CCDC50: variants seen among roughly 807,000 people sequenced by gnomAD.
CCDC50 encodes coiled-coil domain containing 50, also known as coiled-coil domain-containing protein 50.
Under a neutral mutation model 70.2 loss-of-function variants are expected in CCDC50, and 54 were observed. That is an observed-to-expected ratio of 0.77 (90% CI 0.62 to 0.96). CCDC50 has a LOEUF of 0.96. CCDC50 is among the 50% of genes least tolerant of loss of function. The probability of loss-of-function intolerance (pLI) is 0.00; values close to 1 mark genes in which losing one functional copy is unlikely to be tolerated. For synonymous variants in CCDC50, 216 were observed against 198.8 expected (o/e 1.09, Z -0.73); for missense variants, 558 against 578.7 (o/e 0.96, Z 0.37).
chr3:191,344,256 A>G (rs1711830918), intron 1 of CCDC50, among the ~76,000 whole-genome samples: 3 of 152,198 alleles, frequency 2.0e-5, no homozygotes, highest in South Asian at 4.1e-4. Context: ...TAGTTCTGTC[A>G]TACCGTCACG....
At chr3:191,343,490 G>A (rs967825371) in intron 1 of CCDC50, among the ~76,000 whole-genome samples, 14 of 152,106 alleles carry the variant, frequency 9.2e-5, no homozygotes, top group African/African-American at 2.4e-4. Context: ...GTTTAATTAC[G>A]AAATTTTATA....
chr3:191,339,867 T>C (rs1711661740), intron 1 of CCDC50, among the ~76,000 whole-genome samples: 1 of 152,212 alleles, frequency 6.6e-6, no homozygotes, highest in Non-Finnish European at 1.5e-5. Context: ...GGTTAAAATG[T>C]ACTTGTGGTG....
intron 4 of CCDC50, among the ~76,000 whole-genome samples, chr3:191,369,687 T>C (rs1712827946): frequency 6.6e-6 from 1 of 152,170 alleles, no homozygotes; most frequent in South Asian, 2.1e-4. Context: ...ATGTCTTCCA[T>C]GTTGTGGTGG....
At chr3:191,389,727 G>T in intron 11 of CCDC50, 125 bp downstream of exon 11, 1 of 724,430 alleles carries the variant, frequency 1.4e-6, no homozygotes. Context: ...TCAGCACATT[G>T]TTATAGAACT....
At chr3:191,373,011 T>C (rs1186806686) in intron 5 of CCDC50, among the ~76,000 whole-genome samples, 9 of 152,088 alleles carry the variant, frequency 5.9e-5, no homozygotes, top group African/African-American at 1.9e-4. Flanking sequence ...ATGTAATATT[T>C]TGTGTATCTT....
intron 4 of CCDC50, among the ~76,000 whole-genome samples, chr3:191,363,845 A>T (rs1324618014): frequency 6.6e-6 from 1 of 152,222 alleles, no homozygotes; most frequent in Non-Finnish European, 1.5e-5. Flanking sequence ...GTGCCAAGGT[A>T]GAAAAATGTG....
rs1195895304 is a variant in CCDC50, at chr3:191,342,843, CT to C, written c.49+13122del. On this transcript the variant is annotated intron_variant, in intron 1 of 11. Coordinates refer to ENST00000392455, the MANE Select transcript of CCDC50 (RefSeq NM_178335.3). Reference sequence around the variant, plus strand: ...GTTTTGAAAAAATTGTCTACTACTGCTTATATAATGGTATTTACCCTGTTGA... The same window carrying C: ...GTTTTGAAAAAATTGTCTACTACTGCTATATAATGGTATTTACCCTGTTGA... Among the ~76,000 whole-genome samples, 3 of 152,296 alleles carry C rather than the reference CT, an allele frequency of 2.0e-5. No homozygotes were observed. In the South Asian group the frequency reaches 6.2e-4, roughly 32 times the overall value.
At chr3:191,332,598 A>G (rs1311424522) in intron 1 of CCDC50, among the ~76,000 whole-genome samples, 1 of 152,260 alleles carries the variant, frequency 6.6e-6, no homozygotes, top group Non-Finnish European at 1.5e-5. Context: ...TGCAAAATGC[A>G]ATTTGCGAAT....
At chr3:191,337,129 T>C (rs1361332869) in intron 1 of CCDC50, among the ~76,000 whole-genome samples, 2 of 152,086 alleles carry the variant, frequency 1.3e-5, no homozygotes, top group African/African-American at 2.4e-5. Context: ...GACCACGTGA[T>C]TGGCAAAGCT....
At position 191,393,851 on chromosome 3, in the gene CCDC50, T is replaced by G. The variant is rs926675991; in HGVS notation, c.*2091T>G. 2.6e-5 allele frequency: 4 copies of G among 152,178 alleles called. No individual in the cohort carries two copies. Among genetic ancestry groups the G allele is most frequent in the African/African-American group, 9.6e-5 (4 of 41,452 alleles). The allele number at this position is 152,178 out of a possible 1,614,324, so 9.4% of individuals were successfully genotyped here. ...TGATTTCGCTTCGTGTCCTTCAAAG[T>G]TTTTTTATTGTAATTTTAAAGGAAA... is the stretch of plus-strand genomic sequence containing the variant. On this transcript the variant is annotated 3_prime_UTR_variant, in exon 12 of 12. Transcript: ENST00000392455.
chr3:191,340,662 G>A (rs1186706251), intron 1 of CCDC50, among the ~76,000 whole-genome samples: 1 of 152,084 alleles, frequency 6.6e-6, no homozygotes. Flanking sequence ...AGTTTGGAGT[G>A]GCGGAGCTTA....
chr3:191,370,039 A>T lies in CCDC50; in HGVS notation c.448+3A>T. The T allele has an allele frequency of 1.9e-6, 3 of 1,548,444 alleles. No homozygotes were observed. The highest frequency in any genetic ancestry group is 2.7e-6 in the Non-Finnish European group (3 of 1,120,912). ...TAGTTACTATTATGAAGATGGAGGTAACAATTCCTGCATCATGATCTATTC... is the reference window on the plus strand; with the variant it reads ...TAGTTACTATTATGAAGATGGAGGTTACAATTCCTGCATCATGATCTATTC... On this transcript the variant is annotated splice_donor_region_variant and intron_variant, in intron 5 of 11. Coordinates refer to ENST00000392455, the MANE Select transcript of CCDC50 (RefSeq NM_178335.3).
chr3:191,354,389 A>G (rs1417115447), intron 1 of CCDC50, among the ~76,000 whole-genome samples: 1 of 152,082 alleles, frequency 6.6e-6, no homozygotes, highest in Non-Finnish European at 1.5e-5. Flanking sequence ...TCTATCTACA[A>G]ACTATATTTT....
intron 10 of CCDC50, among the ~76,000 whole-genome samples, chr3:191,387,310 T>G (rs1277612464): frequency 1.3e-5 from 2 of 152,130 alleles, no homozygotes; most frequent in Admixed American, 1.3e-4. Context: ...TTATGAAAGG[T>G]GTTTGGCTGT....
At chr3:191,361,865 T>C (rs981164169) in intron 4 of CCDC50, among the ~76,000 whole-genome samples, 57 of 152,122 alleles carry the variant, frequency 3.7e-4, no homozygotes, top group African/African-American at 1.3e-3. Context: ...GACTTTTGAG[T>C]GGGGCCTGCA....
At chr3:191,335,612 T>C (rs2108629796) in intron 1 of CCDC50, among the ~76,000 whole-genome samples, 1 of 152,226 alleles carries the variant, frequency 6.6e-6, no homozygotes, top group Admixed American at 6.5e-5. Flanking sequence ...ATCATTTCGT[T>C]AAAAAAGCAT....
chr3:191,329,625 C>T lies in CCDC50; in HGVS notation c.-50C>T, dbSNP rs765456121. 5.7e-6 allele frequency: 9 copies of T among 1,578,984 alleles called. No individual in the cohort carries two copies. Among genetic ancestry groups the T allele is most frequent in the Non-Finnish European group, 7.7e-6 (9 of 1,162,882 alleles). On this transcript the variant is annotated 5_prime_UTR_variant, in exon 1 of 12. Coordinates refer to ENST00000392455, the MANE Select transcript of CCDC50 (RefSeq NM_178335.3). ...CGCTCGGGGCCCCGCTCGGCGCCGG[C>T]GGTGACCGGGAAGCCCGCGTTAAAG...
In CCDC50 at chr3:191,370,462, G is replaced by GT. The variant is rs200720129; in HGVS notation, c.448+427dup. On this transcript the variant is annotated intron_variant, in intron 5 of 11. Transcript: ENST00000392455. ...TCCCACCTGTGAGTGAGAACATGCG[G>GT]TGGTTTTTTTTGTTTGTTTTTTTGT... Among the ~76,000 whole-genome samples, 1,254 of 144,406 alleles carry GT rather than the reference G, an allele frequency of 8.7e-3. 17 individuals carry two copies. The highest frequency in any genetic ancestry group is 0.031 in the African/African-American group (1,196 of 38,872). 94.7% of individuals were successfully genotyped at this position (144,406 alleles called of 152,430 possible). A position where few individuals can be genotyped will look rare whatever the true frequency, so the allele number is the denominator to read the frequency against.
At chr3:191,365,068 G>A (rs1712634186) in intron 4 of CCDC50, among the ~76,000 whole-genome samples, 1 of 147,150 alleles carries the variant, frequency 6.8e-6, no homozygotes, top group Non-Finnish European at 1.5e-5. Context: ...AAGTGTGTGT[G>A]TACTTATGTG....
Sources: allele counts gnomAD v4.1 joint callset (sites outside exome capture counted in the v4.1 genomes callset), GRCh38; gene constraint gnomAD v4.1.1; transcripts MANE v1.5; gene names NCBI Gene and HGNC (gene_info 2026-07-23, HGNC 2026-07-21).